The following HSD17B13 variants were observed in gnomAD, a reference collection of about 807,000 sequenced individuals.
The protein encoded by HSD17B13 is 17-beta-hydroxysteroid dehydrogenase 13.
HSD17B13 carries 26 observed loss-of-function variants against 31.1 expected under a neutral mutation model. The observed-to-expected ratio is 0.84, with a 90% CI of 0.61 to 1.16. The LOEUF is 1.16. Among genes scored for constraint, HSD17B13 ranks in the 50% most tolerant of loss-of-function variants. The probability of loss-of-function intolerance (pLI) is 0.00; values close to 1 mark genes in which losing one functional copy is unlikely to be tolerated. For synonymous variants in HSD17B13, 141 were observed against 133.7 expected, an observed-to-expected ratio of 1.05 and a Z score of -0.38; for missense variants, 374 against 366.5, an observed-to-expected ratio of 1.02 and a Z score of -0.17.
intron 6 of HSD17B13, among the ~76,000 whole-genome samples, chr4:87,309,804 G>A (rs1734485280): frequency 6.6e-6 from 1 of 152,048 alleles, no homozygotes; most frequent in Admixed American, 6.6e-5. Flanking sequence ...GGAAATAACT[G>A]TTCTCCCCAG....
At position 87,313,961 on chromosome 4, in the gene HSD17B13, C is replaced by G. The variant is rs766659694; in HGVS notation, c.558-1G>C. On this transcript the variant is annotated splice_acceptor_variant, in intron 4 of 6. Coordinates refer to ENST00000328546, the MANE Select transcript of HSD17B13 (RefSeq NM_178135.5). LOFTEE classifies it high-confidence loss of function. ...GCCAACAGCGGCAAATTTGCTGGAA[C>G]TGTAAGAGAATTATTAAGCATTGTT... 18 of 1,551,754 alleles carry G rather than the reference C, an allele frequency of 1.2e-5. No individual in the cohort carries two copies. Among genetic ancestry groups the G allele is most frequent in the Non-Finnish European group, 3.5e-6 (4 of 1,150,358 alleles).
intron 1 of HSD17B13, 74 bp downstream of exon 1, chr4:87,322,558 A>T: frequency 3.5e-6 from 4 of 1,139,310 alleles, no homozygotes; most frequent in Middle Eastern, 4.2e-4. Flanking sequence ...AGATAAGTAG[A>T]TGGTAAGTCA....
rs1002674472 is a variant in HSD17B13 at position 87,303,896 on chromosome 4, A to T, written c.*1322T>A. On this transcript the variant is annotated 3_prime_UTR_variant, in exon 7 of 7. Coordinates refer to ENST00000328546, the MANE Select transcript of HSD17B13 (RefSeq NM_178135.5). ...AATTGTTTTTGTGACTTTTAAAAAA[A>T]TCATTTGTTTTTAATAAAAACAAGA... 6.6e-6 allele frequency: 1 copy of T among 152,202 alleles called. No individual in the cohort carries two copies. The highest frequency in any genetic ancestry group is 1.5e-5 in the Non-Finnish European group (1 of 68,038). 9.4% of individuals were successfully genotyped at this position (152,202 alleles called of 1,614,324 possible). A position where few individuals can be genotyped will look rare whatever the true frequency, so the allele number is the denominator to read the frequency against.
intron 2 of HSD17B13, among the ~76,000 whole-genome samples, chr4:87,317,875 T>C (rs1191576679): frequency 6.6e-6 from 1 of 152,132 alleles, no homozygotes; most frequent in African/African-American, 2.4e-5. Context: ...CTTAGTTCAT[T>C]GTGATTATTT....
intron 6 of HSD17B13, 21 bp from the exon 7 acceptor site, chr4:87,305,329 A>T: frequency 3.3e-6 from 5 of 1,496,100 alleles, no homozygotes; most frequent in Non-Finnish European, 3.6e-6. Context: ...AAGAAAAAAA[A>T]ATTGAAAAAT....
At chr4:87,312,326 T>C (rs1734547426) in intron 5 of HSD17B13, among the ~76,000 whole-genome samples, 1 of 152,058 alleles carries the variant, frequency 6.6e-6, no homozygotes, top group African/African-American at 2.4e-5. Flanking sequence ...TCAGCATAAT[T>C]TCACAAAGTC....
At chr4:87,312,353 T>C (rs918105863) in intron 5 of HSD17B13, among the ~76,000 whole-genome samples, 1 of 152,134 alleles carries the variant, frequency 6.6e-6, no homozygotes, top group Non-Finnish European at 1.5e-5. Context: ...TCTGTGACAA[T>C]GTGCAGCTCT....
chr4:87,319,773 G>T (rs1214710285), intron 1 of HSD17B13, among the ~76,000 whole-genome samples: 2 of 152,194 alleles, frequency 1.3e-5, no homozygotes, highest in Non-Finnish European at 2.9e-5. Flanking sequence ...TACCAAACTT[G>T]CCCATAACCA....
intron 4 of HSD17B13, among the ~76,000 whole-genome samples, chr4:87,315,160 C>T (rs7676494): frequency 0.12 from 18,788 of 152,134 alleles, 2,450 homozygotes; most frequent in African/African-American, 0.33. Flanking sequence ...ACTGAGTAAA[C>T]GACTCTGTAA....
At position 87,315,509 on chromosome 4, in the gene HSD17B13, A is replaced by T. The variant is rs1288650147; in HGVS notation, c.541T>A (p.Tyr181Asn). Residue 181 changes from tyrosine (Y) to asparagine (N), a missense_variant, in exon 4 of 7, where the codon TAC becomes AAC. Coordinates refer to ENST00000328546, the MANE Select transcript of HSD17B13 (RefSeq NM_178135.5). ...GATACTTACCAATATGGGATGAGGTAAGGAATCCCTTCGTGGCCGCACACT... is the reference window on the plus strand; with the variant it reads ...GATACTTACCAATATGGGATGAGGTTAGGAATCCCTTCGTGGCCGCACACT... ...ASVCGHEGIP[Y>N]LIPYCSSKFA... is the part of the protein sequence containing the mutation. The T allele has an allele frequency of 3.1e-6, 5 of 1,606,484 alleles. No individual in the cohort carries two copies. The highest frequency in any genetic ancestry group is 4.3e-6 in the Non-Finnish European group (5 of 1,173,566).
rs532441738 is a variant in HSD17B13 at position 87,304,308 on chromosome 4, CA to C, written c.*909del. The C allele has an allele frequency of 2.0e-5, 3 of 153,726 alleles. No individual in the cohort carries two copies. Among genetic ancestry groups the C allele is most frequent in the Non-Finnish European group, 2.9e-5 (2 of 69,642 alleles). 9.5% of individuals were successfully genotyped at this position (153,726 alleles called of 1,614,324 possible). ...TGGGCGAAAGAGTGAGACTCCATCT[CA>C]AAAAAACAAAAAACAAAACAAAACA... On this transcript the variant is annotated 3_prime_UTR_variant, in exon 7 of 7. Coordinates refer to ENST00000328546, the MANE Select transcript of HSD17B13 (RefSeq NM_178135.5).
At chr4:87,306,096 G>A (rs1734383507) in intron 6 of HSD17B13, among the ~76,000 whole-genome samples, 1 of 152,196 alleles carries the variant, frequency 6.6e-6, no homozygotes, top group African/African-American at 2.4e-5. Flanking sequence ...TACCCAGGTT[G>A]CTTACGACAG....
At chr4:87,318,183 T>C in intron 2 of HSD17B13, 146 bp downstream of exon 2, 1 of 619,106 alleles carries the variant, frequency 1.6e-6, no homozygotes, top group Non-Finnish European at 2.9e-6. Flanking sequence ...AAAAAAAGTA[T>C]ATATCCTTCC....
In HSD17B13 at chr4:87,318,335, T is replaced by C; in HGVS notation, c.312A>G (p.Leu104=). Residue 104 remains leucine (L), a synonymous_variant, in exon 2 of 7, where the codon CTA becomes CTG. Transcript: ENST00000328546. ...CSNREEIYRS[L]NQVKKEVGDV... is the part of the protein sequence containing the mutation. ...TGTGAACCTGCAGTCTCACCTGATT[T>C]AGAGAGCGATAGATCTCTTCTCTGT... 2 of 1,611,516 alleles carry C rather than the reference T, an allele frequency of 1.2e-6. No individual in the cohort carries two copies. Among genetic ancestry groups the C allele is most frequent in the African/African-American group, 1.3e-5 (1 of 75,004 alleles).
At chr4:87,318,986 G>A (rs553892207) in intron 1 of HSD17B13, among the ~76,000 whole-genome samples, 22 of 151,938 alleles carry the variant, frequency 1.4e-4, no homozygotes, top group Admixed American at 1.4e-3. Flanking sequence ...TTTGAGACCA[G>A]TCTGGCCAAA....
At chr4:87,305,775 G>A (rs1734377433) in intron 6 of HSD17B13, among the ~76,000 whole-genome samples, 1 of 152,152 alleles carries the variant, frequency 6.6e-6, no homozygotes, top group Non-Finnish European at 1.5e-5. Flanking sequence ...TCTGCTGCAA[G>A]CCCAAGGCAG....
intron 3 of HSD17B13, among the ~76,000 whole-genome samples, chr4:87,316,280 A>G (rs1734647549): frequency 6.6e-6 from 1 of 152,210 alleles, no homozygotes; most frequent in East Asian, 1.9e-4. Flanking sequence ...TAGTGAACAT[A>G]CATTGTTGCT....
chr4:87,307,741 T>C (rs887534097), intron 6 of HSD17B13, among the ~76,000 whole-genome samples: 3 of 152,136 alleles, frequency 2.0e-5, no homozygotes, highest in African/African-American at 7.2e-5. Context: ...CCTCAAGTGA[T>C]CTGCCTGCTG....
At chr4:87,310,183 A>AATG in intron 6 of HSD17B13, 60 bp downstream of exon 6, 1 of 1,362,138 alleles carries the variant, frequency 7.3e-7, no homozygotes, top group Non-Finnish European at 9.6e-7. Context: ...AAAAAAAAAA[A>AATG]AAGCAAAAAA....
Sources: allele counts gnomAD v4.1 joint callset (sites outside exome capture counted in the v4.1 genomes callset), GRCh38; gene constraint gnomAD v4.1.1; transcripts MANE v1.5; gene names NCBI Gene and HGNC (gene_info 2026-07-23, HGNC 2026-07-21).